The following EPS8 variants were observed in gnomAD, a reference collection of about 807,000 sequenced individuals.
EPS8 encodes the protein epidermal growth factor receptor kinase substrate 8.
Under a neutral mutation model 103.8 loss-of-function variants are expected in EPS8, and 42 were observed. That is an observed-to-expected ratio of 0.40 (90% CI 0.32 to 0.52). The LOEUF (loss-of-function observed/expected upper bound fraction) is 0.52. EPS8 is among the 20% of genes least tolerant of loss of function. EPS8 has a pLI of 0.40. For missense variants in EPS8, 969 were observed against 1,005.1 expected (o/e 0.96, Z 0.49); for synonymous variants, 344 against 344.6 (o/e 1.00, Z 0.02).
At chr12:15,659,260 A>G (rs1408421131) in intron 10 of EPS8, among the ~76,000 whole-genome samples, 2 of 152,160 alleles carry the variant, frequency 1.3e-5, no homozygotes, top group African/African-American at 4.8e-5. Flanking sequence ...TTTACAGCAG[A>G]AGAATGAAGT....
rs1946503007 is a variant in EPS8, at chr12:15,714,232, A to G, written c.-21-31260T>C. Reference sequence around the variant, plus strand: ...TGCTCAACTGATTTTTAATATGAAGACACCAAAAAAGTATATTTAAATTAT... The same window carrying G: ...TGCTCAACTGATTTTTAATATGAAGGCACCAAAAAAGTATATTTAAATTAT... On this transcript the variant is annotated intron_variant, in intron 1 of 20. Coordinates refer to ENST00000281172, the MANE Select transcript of EPS8 (RefSeq NM_004447.6). The surrounding 1 kb of genome is among the most constrained non-coding windows in gnomAD (Gnocchi z 4.1). Among the ~76,000 whole-genome samples the G allele has an allele frequency of 6.6e-6, 1 of 152,148 alleles. No homozygotes were observed. Among genetic ancestry groups the G allele is most frequent in the Admixed American group, 6.5e-5 (1 of 15,286 alleles).
chr12:15,640,115 G>T, intron 17 of EPS8, among the ~76,000 whole-genome samples: 1 of 152,202 alleles, frequency 6.6e-6, no homozygotes, highest in East Asian at 1.9e-4. Flanking sequence ...GGACCTTCAT[G>T]GGCCTTCAAT....
At position 15,649,868 on chromosome 12, in the gene EPS8, T is replaced by A. The variant is rs190992296; in HGVS notation, c.1434+955A>T. Among the ~76,000 whole-genome samples, 4 of 152,300 alleles carry A rather than the reference T, an allele frequency of 2.6e-5. No homozygotes were observed. In the East Asian group the frequency reaches 7.7e-4, roughly 29 times the overall value. Reference sequence around the variant, plus strand: ...ATATTTGCCACATTATAAATACCTATGATAGTCTGAGAAAATTAATCTAAG... The same window carrying A: ...ATATTTGCCACATTATAAATACCTAAGATAGTCTGAGAAAATTAATCTAAG... On this transcript the variant is annotated intron_variant, in intron 14 of 20. Coordinates refer to ENST00000281172, the MANE Select transcript of EPS8 (RefSeq NM_004447.6).
chr12:15,653,347 C>T (rs1207842452), intron 13 of EPS8, among the ~76,000 whole-genome samples: 1 of 152,180 alleles, frequency 6.6e-6, no homozygotes, highest in Non-Finnish European at 1.5e-5. Context: ...GAACCACACT[C>T]TAACTCTTTA....
intron 3 of EPS8, among the ~76,000 whole-genome samples, chr12:15,676,116 CA>C (rs1945901339): frequency 6.6e-6 from 1 of 151,502 alleles, no homozygotes; most frequent in Non-Finnish European, 1.5e-5. Flanking sequence ...ATTAAAAATA[CA>C]AAAAAATTAG....
chr12:15,726,350 T>C (rs1277804990), intron 1 of EPS8, among the ~76,000 whole-genome samples: 6 of 152,158 alleles, frequency 3.9e-5, no homozygotes, highest in South Asian at 2.1e-4. Context: ...CTGTGGGATA[T>C]AAAATTCAGT....
chr12:15,648,449 G>A (rs1349159284), intron 14 of EPS8, among the ~76,000 whole-genome samples: 1 of 152,224 alleles, frequency 6.6e-6, no homozygotes, highest in East Asian at 1.9e-4. Context: ...ATCAGGAGGA[G>A]GGCTGAGTTT....
Position 15,779,470 on chromosome 12 carries a change from C to T in EPS8, c.-22+9691G>A, listed in dbSNP as rs916089257. 6.6e-6 allele frequency among the ~76,000 whole-genome samples: 1 copy of T among 152,184 alleles called. No homozygotes were observed. The highest frequency in any genetic ancestry group is 2.4e-5 in the African/African-American group (1 of 41,442). On this transcript the variant is annotated intron_variant, in intron 1 of 20. Transcript: ENST00000281172. This position sits in a 1 kb window ranked among gnomAD's most constrained non-coding sequence, Gnocchi z 4.3. ...AGATAAACTGTAATCAATGTCTTCT[C>T]AAAAGAGACAGATTTTACACATATT...
At chr12:15,775,691 C>T (rs1420096108) in intron 1 of EPS8, among the ~76,000 whole-genome samples, 1 of 152,098 alleles carries the variant, frequency 6.6e-6, no homozygotes, top group Non-Finnish European at 1.5e-5. Context: ...TTTTATGCTT[C>T]TTTTCATTTA....
At chr12:15,754,579 T>C (rs1946965971) in intron 1 of EPS8, among the ~76,000 whole-genome samples, 1 of 152,212 alleles carries the variant, frequency 6.6e-6, no homozygotes, top group Non-Finnish European at 1.5e-5. Flanking sequence ...GCAACAGTCA[T>C]ATACGCCACC....
intron 8 of EPS8, chr12:15,662,549 GAC>G (rs1348885303): frequency 2.0e-6 from 2 of 986,050 alleles, no homozygotes; most frequent in African/African-American, 1.7e-5. Context: ...TCGGAGTTCT[GAC>G]AGCAGAGTGC....
At chr12:15,625,817 C>T (rs1944935079) in intron 18 of EPS8, among the ~76,000 whole-genome samples, 1 of 152,148 alleles carries the variant, frequency 6.6e-6, no homozygotes, top group Admixed American at 6.5e-5. Context: ...CTCATCTCTG[C>T]CAGCACTACC....
At chr12:15,658,777 T>A (rs185703446) in intron 10 of EPS8, among the ~76,000 whole-genome samples, 192 bp from the exon 11 acceptor site, 3 of 152,318 alleles carry the variant, frequency 2.0e-5, no homozygotes, top group Admixed American at 2.0e-4. Context: ...GATTGCTCTA[T>A]CCTTAGGCAC....
intron 13 of EPS8, among the ~76,000 whole-genome samples, chr12:15,652,562 T>C (rs1945433670): frequency 6.6e-6 from 1 of 152,172 alleles, no homozygotes; most frequent in Admixed American, 6.5e-5. Flanking sequence ...CCTGAAAATA[T>C]GTACAACTAT....
chr12:15,654,296 A>G lies in EPS8; in HGVS notation c.1102-3T>C, dbSNP rs763919129. The G allele has an allele frequency of 3.3e-5, 53 of 1,611,794 alleles. No individual in the cohort carries two copies. In the Middle Eastern group the frequency reaches 2.1e-3, roughly 65 times the overall value. The stretch of plus-strand genomic sequence containing the variant: ...GGACCTCCTGTTGCCTGCACCACCT[A>G]AGATAATAAACCATTTTTTAGCAAG... On this transcript the variant is annotated splice_region_variant and splice_polypyrimidine_tract_variant and intron_variant, in intron 12 of 20. Coordinates refer to ENST00000281172, the MANE Select transcript of EPS8 (RefSeq NM_004447.6).
intron 18 of EPS8, among the ~76,000 whole-genome samples, chr12:15,626,503 C>A (rs1260278382): frequency 1.3e-5 from 2 of 151,928 alleles, no homozygotes; most frequent in African/African-American, 4.8e-5. Flanking sequence ...GTGGCATGTG[C>A]CTGTGGCCCC....
At chr12:15,673,856 G>C (rs201453735) in intron 3 of EPS8, among the ~76,000 whole-genome samples, 1 of 151,976 alleles carries the variant, frequency 6.6e-6, no homozygotes, top group South Asian at 2.1e-4. Context: ...TCTCTTTCTC[G>C]CTCAGAATCA....
intron 1 of EPS8, among the ~76,000 whole-genome samples, chr12:15,758,517 G>C (rs567565423): frequency 5.4e-4 from 82 of 152,264 alleles, no homozygotes; most frequent in African/African-American, 1.9e-3. Flanking sequence ...GGTATGTAAG[G>C]AACTGAATTA....
At chr12:15,629,816 T>C (rs1002763154) in intron 18 of EPS8, among the ~76,000 whole-genome samples, 3 of 152,178 alleles carry the variant, frequency 2.0e-5, no homozygotes, top group Non-Finnish European at 4.4e-5. Context: ...TTTTAGTGTC[T>C]TTTTTATTTT....
Sources: allele counts gnomAD v4.1 joint callset (sites outside exome capture counted in the v4.1 genomes callset), GRCh38; gene constraint gnomAD v4.1.1; non-coding constraint Gnocchi (gnomAD v3.1); transcripts MANE v1.5; gene names NCBI Gene and HGNC (gene_info 2026-07-23, HGNC 2026-07-21).